Variants in MACROD2 observed in about 807,000 individuals in gnomAD.
MACROD2 encodes the protein ADP-ribose glycohydrolase MACROD2.
Under a neutral mutation model 70.4 loss-of-function variants are expected in MACROD2, and 36 were observed. The observed-to-expected ratio is 0.51, with a 90% CI of 0.39 to 0.68. The LOEUF (loss-of-function observed/expected upper bound fraction) is 0.68, where lower values mean the gene tolerates loss of function less well. Among genes scored for constraint, MACROD2 ranks in the 30% least tolerant of loss-of-function variants. The probability of loss-of-function intolerance (pLI) is 0.00; values close to 1 mark genes in which losing one functional copy is unlikely to be tolerated. For synonymous variants in MACROD2, 172 were observed against 178.8 expected, an observed-to-expected ratio of 0.96 and a Z score of 0.30; for missense variants, 496 against 538.4, an observed-to-expected ratio of 0.92 and a Z score of 0.78.
At chr20:15,331,307 C>T (rs1448602100) in intron 6 of MACROD2, among the ~76,000 whole-genome samples, 1 of 151,562 alleles carries the variant, frequency 6.6e-6, no homozygotes, top group Admixed American at 6.6e-5. Context: ...TAGATTTTAT[C>T]TTTAATTTTT....
chr20:14,447,284 C>T (rs1175499026), intron 3 of MACROD2, among the ~76,000 whole-genome samples: 2 of 152,110 alleles, frequency 1.3e-5, no homozygotes, highest in Non-Finnish European at 2.9e-5. Context: ...TCCCAAAGTG[C>T]TGGGATTACA....
chr20:14,397,988 A>G (rs953546983), intron 3 of MACROD2, among the ~76,000 whole-genome samples: 19 of 152,100 alleles, frequency 1.2e-4, no homozygotes, highest in African/African-American at 4.6e-4. Context: ...AACATGTGTT[A>G]CCTTTCTGTG....
chr20:14,955,455 A>T (rs1242759476), intron 5 of MACROD2, among the ~76,000 whole-genome samples: 2 of 151,162 alleles, frequency 1.3e-5, no homozygotes, highest in African/African-American at 4.9e-5. Flanking sequence ...TGCCCTCCAC[A>T]CAAGTTAGTG....
At chr20:15,743,657 T>C (rs1208380313) in intron 8 of MACROD2, among the ~76,000 whole-genome samples, 1 of 152,130 alleles carries the variant, frequency 6.6e-6, no homozygotes, top group Non-Finnish European at 1.5e-5. Flanking sequence ...CCTCTACACA[T>C]ATCTTTTCCT....
At chr20:14,965,136 A>C (rs759828867) in intron 5 of MACROD2, among the ~76,000 whole-genome samples, 1 of 152,126 alleles carries the variant, frequency 6.6e-6, no homozygotes, top group Non-Finnish European at 1.5e-5. Context: ...TAAGGAGCCT[A>C]CTTCTGATTG....
intron 13 of MACROD2, among the ~76,000 whole-genome samples, chr20:15,974,139 G>A (rs2066271148): frequency 6.6e-6 from 1 of 152,156 alleles, no homozygotes; most frequent in Non-Finnish European, 1.5e-5. Flanking sequence ...TGGGATTTCA[G>A]TACATATTCT....
chr20:15,982,638 A>G (rs896904438), intron 13 of MACROD2, among the ~76,000 whole-genome samples: 1 of 152,138 alleles, frequency 6.6e-6, no homozygotes, highest in Non-Finnish European at 1.5e-5. Flanking sequence ...ACACCTCTAC[A>G]CAGTTTATGT....
chr20:15,301,560 A>G (rs1374034098), intron 6 of MACROD2, among the ~76,000 whole-genome samples: 1 of 147,982 alleles, frequency 6.8e-6, no homozygotes, highest in East Asian at 2.0e-4. Context: ...TTACTTATCA[A>G]TGGGTGGAAG....
At chr20:15,288,366 C>T (rs2077510664) in intron 6 of MACROD2, among the ~76,000 whole-genome samples, 1 of 152,096 alleles carries the variant, frequency 6.6e-6, no homozygotes, top group African/African-American at 2.4e-5. Context: ...CCTAGAGATC[C>T]CAGAAGAAGA....
At chr20:15,151,226 G>A (rs986307766) in intron 5 of MACROD2, among the ~76,000 whole-genome samples, 20 of 152,130 alleles carry the variant, frequency 1.3e-4, no homozygotes, top group Admixed American at 3.9e-4. Context: ...GAGATGGGAC[G>A]CGGCTTACGA....
intron 4 of MACROD2, among the ~76,000 whole-genome samples, chr20:14,504,968 ATATAT>A (rs758433518): frequency 1.5e-4 from 23 of 152,306 alleles, no homozygotes; most frequent in Admixed American, 5.2e-4. Flanking sequence ...TGTTGCATAA[ATATAT>A]TATGGGCATT....
At chr20:15,260,824 G>A (rs2077243029) in intron 6 of MACROD2, among the ~76,000 whole-genome samples, 1 of 151,916 alleles carries the variant, frequency 6.6e-6, no homozygotes, top group Non-Finnish European at 1.5e-5. Flanking sequence ...TGTTAATAAT[G>A]TAATAATGTA....
chr20:14,051,961 A>G (rs1360465474), intron 2 of MACROD2: 3 of 515,586 alleles, frequency 5.8e-6, no homozygotes, highest in Non-Finnish European at 1.2e-5. Flanking sequence ...GGAGGATGGC[A>G]TGGGAAAGAG....
chr20:14,195,613 G>A (rs144510885), intron 3 of MACROD2, among the ~76,000 whole-genome samples: 1 of 151,770 alleles, frequency 6.6e-6, no homozygotes, highest in Non-Finnish European at 1.5e-5. Context: ...ACACACAAGC[G>A]ACTGGACATC....
At chr20:14,579,549 A>C (rs1292196628) in intron 4 of MACROD2, among the ~76,000 whole-genome samples, 1 of 152,072 alleles carries the variant, frequency 6.6e-6, no homozygotes, top group Non-Finnish European at 1.5e-5. Context: ...TGAGGGAAAA[A>C]CCGTTTCGAT....
intron 3 of MACROD2, among the ~76,000 whole-genome samples, chr20:14,161,868 C>T (rs2055195693): frequency 6.6e-6 from 1 of 152,218 alleles, no homozygotes; most frequent in East Asian, 1.9e-4. Context: ...GCTGGGATTA[C>T]AGGAGTGAGC....
intron 5 of MACROD2, among the ~76,000 whole-genome samples, chr20:15,212,643 G>A (rs1347794989): frequency 6.6e-6 from 1 of 152,222 alleles, no homozygotes; most frequent in African/African-American, 2.4e-5. Context: ...TGTGGGTGCA[G>A]TTGGTGTGAG....
chr20:14,601,616 A>G (rs907946157), intron 4 of MACROD2, among the ~76,000 whole-genome samples: 2 of 152,166 alleles, frequency 1.3e-5, no homozygotes, highest in Non-Finnish European at 2.9e-5. Context: ...ATTCATGTTC[A>G]TGCCAATACA....
chr20:14,476,797 G>C (rs193191267), intron 3 of MACROD2, among the ~76,000 whole-genome samples: 64 of 152,254 alleles, frequency 4.2e-4, no homozygotes, highest in Non-Finnish European at 7.4e-4. Flanking sequence ...TAAACAGAGA[G>C]GAATAAATAA....
Sources: gnomAD v4.1 joint callset for allele counts (sites outside exome capture counted in the v4.1 genomes callset) on GRCh38, gnomAD v4.1.1 for gene constraint, MANE v1.5 for transcripts, NCBI Gene and HGNC (gene_info 2026-07-23, HGNC 2026-07-21) for gene names.